The following TACO1 variants were observed in gnomAD, a reference collection of about 807,000 sequenced individuals.
The protein encoded by TACO1 is translational activator of cytochrome c oxidase I.
Under a neutral mutation model 24.0 loss-of-function variants are expected in TACO1, and 13 were observed. The observed-to-expected ratio is 0.54, with a 90% CI of 0.35 to 0.86. TACO1 has a LOEUF of 0.86. Among genes scored for constraint, TACO1 ranks in the 40% least tolerant of loss-of-function variants. TACO1 has a pLI of 0.01. For synonymous variants in TACO1, 149 were observed against 153.5 expected (o/e 0.97, Z 0.22); for missense variants, 352 against 380.1 (o/e 0.93, Z 0.61).
In TACO1 at chr17:63,601,232, T is replaced by G. The variant is rs1453147936; in HGVS notation, c.149T>G (p.Leu50Arg). ...RGCGAAPGRT[L>R]HFTAAVPAGH... Reference sequence around the variant, plus strand: ...TGCGGTGCCGCTCCGGGCAGGACGCTGCACTTTACCGCGGCTGTCCCCGCC... The same window carrying G: ...TGCGGTGCCGCTCCGGGCAGGACGCGGCACTTTACCGCGGCTGTCCCCGCC... Residue 50 changes from leucine (L) to arginine (R), a missense_variant, in exon 1 of 5, where the codon CTG becomes CGG. Leu to Arg is a moderately radical substitution (Grantham distance 102, BLOSUM62 -2). Coordinates refer to ENST00000258975, the MANE Select transcript of TACO1 (RefSeq NM_016360.4). The G allele has an allele frequency of 6.2e-7, 1 of 1,602,752 alleles. No homozygotes were observed. The highest frequency in any genetic ancestry group is 1.3e-5 in the African/African-American group (1 of 74,788).
At position 63,607,921 on chromosome 17, in the gene TACO1, C is replaced by T. The variant is rs151139810; in HGVS notation, c.813C>T (p.Pro271=). The change falls in exon 5 of 5, where the codon CCC becomes CCT. Residue 271 remains proline (P), a synonymous_variant. Coordinates refer to ENST00000258975, the MANE Select transcript of TACO1 (RefSeq NM_016360.4). Reference sequence around the variant, plus strand: ...ACTCAAAGGTGCAGCTGGCTGAGCCCGACCTGGAACAGGCCGCACATCTCA... The same window carrying T: ...ACTCAAAGGTGCAGCTGGCTGAGCCTGACCTGGAACAGGCCGCACATCTCA... The part of the protein sequence containing the change: ...IPNSKVQLAE[P]DLEQAAHLIQ... The T allele has an allele frequency of 3.1e-5, 50 of 1,614,084 alleles. No homozygotes were observed. The highest frequency in any genetic ancestry group is 2.7e-4 in the African/African-American group (20 of 74,932).
At chr17:63,601,445 C>T (rs1019540541) in intron 1 of TACO1, 82 bp downstream of exon 1, 208 of 1,456,804 alleles carry the variant, frequency 1.4e-4, no homozygotes, top group Middle Eastern at 4.0e-4. Flanking sequence ...GGAATTGGGC[C>T]CACCTAGATC....
At chr17:63,601,392 G>A (rs756043007) in intron 1 of TACO1, 29 bp downstream of exon 1, 184 of 1,607,780 alleles carry the variant, frequency 1.1e-4, no homozygotes, top group Non-Finnish European at 1.5e-4. Flanking sequence ...CCCAGCACTG[G>A]CTGCCGCTGC....
Position 63,607,531 on chromosome 17 carries a change from CT to C in TACO1, c.693+68del. 7 of 1,538,856 alleles carry C rather than the reference CT, an allele frequency of 4.5e-6. No individual in the cohort carries two copies. The South Asian group carries it at 7.9e-5, about 17-fold the overall frequency. ...ACCCTGATAGATGCCTTATGCATGCCTCTTGGTTTCTTCCTTCATGTGCCCC... is the reference window on the plus strand; with the variant it reads ...ACCCTGATAGATGCCTTATGCATGCCCTTGGTTTCTTCCTTCATGTGCCCC... On this transcript the variant is annotated intron_variant, in intron 4 of 4. Transcript: ENST00000258975.
intron 3 of TACO1, 59 bp downstream of exon 3, chr17:63,606,499 CA>C (rs2033863559): frequency 6.2e-7 from 1 of 1,601,516 alleles, no homozygotes; most frequent in Non-Finnish European, 8.6e-7. Flanking sequence ...CAATTCTCTG[CA>C]AGGCAAGTAC....
At chr17:63,603,017 C>T (rs1017444212) in intron 1 of TACO1, among the ~76,000 whole-genome samples, 2 of 152,120 alleles carry the variant, frequency 1.3e-5, no homozygotes, top group East Asian at 1.9e-4. Context: ...CGGCGGATCA[C>T]GAGGTCAGAT....
intron 1 of TACO1, among the ~76,000 whole-genome samples, chr17:63,602,232 C>T (rs1157918194): frequency 6.9e-6 from 1 of 145,596 alleles, no homozygotes; most frequent in African/African-American, 2.6e-5. Flanking sequence ...GTACTCCATC[C>T]AGCCTGGGTG....
At chr17:63,606,472 A>T (rs1440233327) in intron 3 of TACO1, 32 bp downstream of exon 3, 1 of 1,613,564 alleles carries the variant, frequency 6.2e-7, no homozygotes, top group Admixed American at 1.7e-5. Flanking sequence ...GTGGTAGGGG[A>T]CAGAGCCTTT....
At chr17:63,607,611 T>G (rs1675908703) in intron 4 of TACO1, 147 bp downstream of exon 4, 1 of 987,056 alleles carries the variant, frequency 1.0e-6, no homozygotes, top group South Asian at 1.4e-5. Context: ...AAGTGAATAC[T>G]GAATAGGACC....
chr17:63,604,907 G>T (rs991355681), intron 2 of TACO1, among the ~76,000 whole-genome samples: 8 of 151,900 alleles, frequency 5.3e-5, no homozygotes, highest in African/African-American at 1.9e-4. Context: ...CCCAGCTACT[G>T]GGGAGGCTGA....
chr17:63,601,070 C>T lies in TACO1; in HGVS notation c.-14C>T. 1 of 1,539,468 alleles carries T rather than the reference C, an allele frequency of 6.5e-7. No individual in the cohort carries two copies. Reference sequence around the variant, plus strand: ...CCGCTGCTGCTAGCAGCTTGAACCCCAGGGTCGGGACCGATGTCGGCTTGG... The same window carrying T: ...CCGCTGCTGCTAGCAGCTTGAACCCTAGGGTCGGGACCGATGTCGGCTTGG... On this transcript the variant is annotated 5_prime_UTR_variant, in exon 1 of 5. Coordinates refer to ENST00000258975, the MANE Select transcript of TACO1 (RefSeq NM_016360.4).
chr17:63,607,762 C>A, intron 4 of TACO1, 40 bp from the exon 5 acceptor site: 1 of 1,587,282 alleles, frequency 6.3e-7, no homozygotes, highest in Non-Finnish European at 8.6e-7. Context: ...TGTCTCATTA[C>A]CTCCTGGCTC....
chr17:63,606,176 A>G, intron 2 of TACO1, 137 bp from the exon 3 acceptor site: 1 of 1,175,374 alleles, frequency 8.5e-7, no homozygotes, highest in South Asian at 1.2e-5. Context: ...GGTGGGGACA[A>G]AAATAAAGAT....
chr17:63,604,325 G>C (rs964499430), intron 1 of TACO1, among the ~76,000 whole-genome samples: 1 of 152,146 alleles, frequency 6.6e-6, no homozygotes, highest in African/African-American at 2.4e-5. Context: ...AACAGAGTGA[G>C]ACTCCATCTC....
At chr17:63,606,518 C>T in intron 3 of TACO1, 78 bp downstream of exon 3, 2 of 1,564,570 alleles carry the variant, frequency 1.3e-6, no homozygotes, top group East Asian at 4.5e-5. Context: ...TACTGTTGAT[C>T]TCTGCTAGTG....
At chr17:63,601,608 G>A (rs1448425672) in intron 1 of TACO1, among the ~76,000 whole-genome samples, 1 of 152,222 alleles carries the variant, frequency 6.6e-6, no homozygotes, top group African/African-American at 2.4e-5. Context: ...CTCTTAAGAA[G>A]ATAAGCCGGT....
intron 3 of TACO1, 155 bp from the exon 4 acceptor site, chr17:63,607,132 G>A: frequency 1.3e-6 from 1 of 744,864 alleles, no homozygotes. Context: ...TTACCCAGCA[G>A]CAGCTGCATT....
At chr17:63,602,262 CAAAAAAAAA>C (rs897099348) in intron 1 of TACO1, among the ~76,000 whole-genome samples, 1 of 60,408 alleles carries the variant, frequency 1.7e-5, no homozygotes, top group Non-Finnish European at 3.3e-5. Flanking sequence ...GACTCCATCT[CAAAAAAAAA>C]AAAAAAAAAA....
At chr17:63,605,972 G>A (rs1016324282) in intron 2 of TACO1, among the ~76,000 whole-genome samples, 6 of 152,110 alleles carry the variant, frequency 3.9e-5, no homozygotes, top group South Asian at 2.1e-4. Context: ...AGACTTGACC[G>A]GTGGGTTTCT....
Sources: gnomAD v4.1 joint callset for allele counts (sites outside exome capture counted in the v4.1 genomes callset) on GRCh38, gnomAD v4.1.1 for gene constraint, MANE v1.5 for transcripts, NCBI Gene and HGNC (gene_info 2026-07-23, HGNC 2026-07-21) for gene names.